The following RSRC1 variants were observed in gnomAD, a reference collection of about 807,000 sequenced individuals.
The protein encoded by RSRC1 is arginine and serine rich coiled-coil 1.
In RSRC1, 39 loss-of-function variants were observed where a neutral mutation model predicts 49.1. The ratio of observed to expected loss-of-function variants is 0.79; its 90% CI spans 0.61 to 1.04. RSRC1 has a LOEUF of 1.04. Ranked by LOEUF, RSRC1 falls within the 50% of genes least tolerant of loss-of-function variation. The probability of loss-of-function intolerance (pLI) is 0.00; values close to 1 mark genes in which losing one functional copy is unlikely to be tolerated. For synonymous variants in RSRC1, 143 were observed against 130.8 expected (o/e 1.09, Z -0.63); for missense variants, 388 against 402.4 (o/e 0.96, Z 0.31).
intron 7 of RSRC1, among the ~76,000 whole-genome samples, chr3:158,512,846 G>T (rs1480478464): frequency 2.6e-5 from 4 of 150,944 alleles, no homozygotes; most frequent in African/African-American, 7.3e-5. Flanking sequence ...TTGTAAGTTG[G>T]ATTCCTAAGT....
At chr3:158,427,698 A>G (rs914861936) in intron 6 of RSRC1, among the ~76,000 whole-genome samples, 1 of 151,716 alleles carries the variant, frequency 6.6e-6, no homozygotes, top group Non-Finnish European at 1.5e-5. Context: ...CCTTATTCAT[A>G]TGTTTATATC....
chr3:158,140,924 G>C (rs1377460368), intron 3 of RSRC1, among the ~76,000 whole-genome samples: 1 of 152,280 alleles, frequency 6.6e-6, no homozygotes, highest in African/African-American at 2.4e-5. Context: ...CTGTAATCAA[G>C]CTTGAGGAAT....
chr3:158,359,177 TAGCA>T (rs1340677119), intron 6 of RSRC1, among the ~76,000 whole-genome samples: 62 of 152,324 alleles, frequency 4.1e-4, no homozygotes, highest in Middle Eastern at 3.4e-3. Flanking sequence ...TTCGCACCAA[TAGCA>T]GTGTATAAAA....
At chr3:158,519,704 T>A (rs567431373) in intron 7 of RSRC1, among the ~76,000 whole-genome samples, 5 of 152,108 alleles carry the variant, frequency 3.3e-5, no homozygotes, top group Admixed American at 6.6e-5. Flanking sequence ...TTAAAAGTGA[T>A]GCTTTGAATT....
At chr3:158,425,340 C>T (rs573210368) in intron 6 of RSRC1, among the ~76,000 whole-genome samples, 98 of 152,094 alleles carry the variant, frequency 6.4e-4, no homozygotes, top group Non-Finnish European at 1.1e-3. Context: ...GTTATGTACC[C>T]AGTAGTCATT....
chr3:158,161,479 G>A (rs773849377), intron 3 of RSRC1, among the ~76,000 whole-genome samples: 2 of 152,004 alleles, frequency 1.3e-5, no homozygotes, highest in Non-Finnish European at 2.9e-5. Context: ...TTAAATGTGT[G>A]GGGCAGGTGC....
chr3:158,344,132 G>A (rs746867917), intron 5 of RSRC1, among the ~76,000 whole-genome samples: 1 of 152,106 alleles, frequency 6.6e-6, no homozygotes, highest in Admixed American at 6.5e-5. Context: ...GGTGCCATGC[G>A]CCTGTAATCC....
intron 6 of RSRC1, among the ~76,000 whole-genome samples, chr3:158,372,055 GTATATT>G (rs1732109295): frequency 2.9e-5 from 4 of 138,456 alleles, no homozygotes; most frequent in African/African-American, 9.9e-5. Context: ...TTAAGAGTTT[GTATATT>G]CTGAGTAAAA....
intron 3 of RSRC1, among the ~76,000 whole-genome samples, chr3:158,169,548 A>G (rs1342275620): frequency 6.6e-6 from 1 of 152,140 alleles, no homozygotes; most frequent in East Asian, 1.9e-4. Flanking sequence ...TTCAGTTGAC[A>G]GATTATATTC....
At chr3:158,211,354 T>G (rs1293515193) in intron 4 of RSRC1, among the ~76,000 whole-genome samples, 1 of 151,964 alleles carries the variant, frequency 6.6e-6, no homozygotes, top group African/African-American at 2.4e-5. Flanking sequence ...TTGCCAAAGA[T>G]ATTACTTACC....
intron 7 of RSRC1, among the ~76,000 whole-genome samples, chr3:158,498,771 T>C (rs59112782): frequency 0.2 from 30,414 of 152,148 alleles, 3,698 homozygotes; most frequent in African/African-American, 0.34. Context: ...AGGATTCAGT[T>C]TCATTCTCCT....
chr3:158,150,274 GGTCCATTT>G (rs895730795), intron 3 of RSRC1, among the ~76,000 whole-genome samples: 3 of 152,074 alleles, frequency 2.0e-5, no homozygotes, highest in African/African-American at 7.2e-5. Flanking sequence ...AATTAAGGTG[GGTCCATTT>G]ATTGCACCAG....
chr3:158,141,093 C>A (rs1160941149), intron 3 of RSRC1, among the ~76,000 whole-genome samples: 1 of 152,206 alleles, frequency 6.6e-6, no homozygotes, highest in East Asian at 1.9e-4. Flanking sequence ...TTTTAAAGTC[C>A]CTATTTTGAG....
intron 4 of RSRC1, among the ~76,000 whole-genome samples, chr3:158,263,885 ACTT>A (rs753797595): frequency 5.9e-5 from 9 of 152,196 alleles, no homozygotes; most frequent in Non-Finnish European, 1.0e-4. Context: ...CACCGATGTC[ACTT>A]CGTTTATTTC....
At chr3:158,136,331 G>T (rs1053681095) in intron 3 of RSRC1, among the ~76,000 whole-genome samples, 1 of 151,550 alleles carries the variant, frequency 6.6e-6, no homozygotes, top group Non-Finnish European at 1.5e-5. Context: ...CTATTATTTT[G>T]CCATGTTACC....
chr3:158,506,731 TAA>T (rs1401553711), intron 7 of RSRC1, among the ~76,000 whole-genome samples: 3 of 151,688 alleles, frequency 2.0e-5, no homozygotes, highest in African/African-American at 7.3e-5. Context: ...GGTGGGAATG[TAA>T]AGTATATAGC....
intron 7 of RSRC1, among the ~76,000 whole-genome samples, chr3:158,492,277 G>C (rs541753012): frequency 4.9e-4 from 74 of 152,318 alleles, no homozygotes; most frequent in African/African-American, 1.7e-3. Flanking sequence ...TTCAAAATGA[G>C]ATTCAGGTGG....
chr3:158,173,318 A>G (rs530442966), intron 3 of RSRC1, among the ~76,000 whole-genome samples: 59 of 152,076 alleles, frequency 3.9e-4, no homozygotes, highest in African/African-American at 1.2e-3. Context: ...TCGTAACTCT[A>G]TAGAATCTGA....
chr3:158,158,745 G>T (rs1457862019), intron 3 of RSRC1, among the ~76,000 whole-genome samples: 1 of 152,026 alleles, frequency 6.6e-6, no homozygotes, highest in African/African-American at 2.4e-5. Flanking sequence ...TTTGAGACTA[G>T]CCTGGCCAAC....
Sources: allele counts gnomAD v4.1 joint callset (sites outside exome capture counted in the v4.1 genomes callset), GRCh38; gene constraint gnomAD v4.1.1; transcripts MANE v1.5; gene names NCBI Gene and HGNC (gene_info 2026-07-23, HGNC 2026-07-21).